ARHGAP25: variants seen among roughly 807,000 people sequenced by gnomAD.
ARHGAP25 encodes rho GTPase-activating protein 25.
A neutral mutation model predicts 71.0 loss-of-function variants in ARHGAP25; 34 were observed. The ratio of observed to expected loss-of-function variants is 0.48; its 90% confidence interval spans 0.36 to 0.64. The LOEUF is 0.64. ARHGAP25 is among the 30% of genes least tolerant of loss of function. The pLI is 0.00. For missense variants in ARHGAP25, 706 were observed against 805.1 expected, an observed-to-expected ratio of 0.88 and a Z score of 1.49; for synonymous variants, 282 against 296.5, an observed-to-expected ratio of 0.95 and a Z score of 0.50.
chr2:68,806,656 A>G (rs1680392424), intron 4 of ARHGAP25, among the ~76,000 whole-genome samples: 1 of 152,254 alleles, frequency 6.6e-6, no homozygotes, highest in African/African-American at 2.4e-5. Flanking sequence ...AGATTTCATC[A>G]TGCTACTCAG....
At chr2:68,771,311 C>T (rs982957293) in intron 1 of ARHGAP25, among the ~76,000 whole-genome samples, 1 of 152,180 alleles carries the variant, frequency 6.6e-6, no homozygotes, top group Non-Finnish European at 1.5e-5. Context: ...CCTCTCCAAC[C>T]CTCCGCCTGG....
At chr2:68,821,495 A>G (rs967661730) in intron 9 of ARHGAP25, among the ~76,000 whole-genome samples, 4 of 152,190 alleles carry the variant, frequency 2.6e-5, no homozygotes, top group African/African-American at 7.2e-5. Flanking sequence ...CATTTTCAGA[A>G]GTGGGCTTGA....
intron 2 of ARHGAP25, among the ~76,000 whole-genome samples, chr2:68,780,692 C>G (rs573848199): frequency 3.3e-5 from 5 of 151,764 alleles, no homozygotes; most frequent in Non-Finnish European, 4.4e-5. Context: ...CTGTTCCTTC[C>G]CCTCCTCCTC....
At chr2:68,793,060 A>G (rs1679301754) in intron 4 of ARHGAP25, among the ~76,000 whole-genome samples, 1 of 151,926 alleles carries the variant, frequency 6.6e-6, no homozygotes, top group Non-Finnish European at 1.5e-5. Context: ...CATGTTTGTC[A>G]TTTGTATGTC....
At chr2:68,814,178 T>C (rs1177772791) in intron 6 of ARHGAP25, among the ~76,000 whole-genome samples, 1 of 152,252 alleles carries the variant, frequency 6.6e-6, no homozygotes, top group Non-Finnish European at 1.5e-5. Context: ...TCTGGCAAAA[T>C]GGTGCACAGA....
chr2:68,746,701 C>CAA (rs1273134826), intron 1 of ARHGAP25, among the ~76,000 whole-genome samples: 1 of 116,044 alleles, frequency 8.6e-6, no homozygotes, highest in Non-Finnish European at 1.9e-5. Context: ...AAGACAGGGA[C>CAA]CACCCCCCTC....
chr2:68,786,430 C>T (rs532916391), intron 3 of ARHGAP25, among the ~76,000 whole-genome samples: 13 of 152,118 alleles, frequency 8.5e-5, no homozygotes, highest in East Asian at 1.9e-4. Flanking sequence ...TGGATACTGA[C>T]GAACTGGTGC....
intron 2 of ARHGAP25, among the ~76,000 whole-genome samples, chr2:68,719,078 G>A (rs1206386486): frequency 6.6e-6 from 1 of 152,116 alleles, no homozygotes; most frequent in African/African-American, 2.4e-5. Flanking sequence ...AGCTCCACAG[G>A]AATAGAAGCT....
Position 68,816,573 on chromosome 2 carries a change from A to G in ARHGAP25, c.881+211A>G, listed in dbSNP as rs1681250565. On this transcript the variant is annotated intron_variant, in intron 7 of 10. Transcript: ENST00000409202. ...AACCAAAAAATGAACGTGCTCCCCCATTTAGGCCTGCCTCAGCACTGCCCA... is the reference window on the plus strand; with the variant it reads ...AACCAAAAAATGAACGTGCTCCCCCGTTTAGGCCTGCCTCAGCACTGCCCA... The G allele has an allele frequency of 9.0e-6, 5 of 552,854 alleles. No homozygotes were observed. In the South Asian group the frequency reaches 1.0e-4, roughly 12 times the overall value. The allele number at this position is 552,854 out of a possible 1,614,324, so 34.2% of individuals were successfully genotyped here.
intron 4 of ARHGAP25, among the ~76,000 whole-genome samples, chr2:68,803,196 A>C (rs145700194): frequency 6.6e-6 from 1 of 152,236 alleles, no homozygotes; most frequent in Admixed American, 6.5e-5. Context: ...GATGGAGCAC[A>C]GTCAAAGACA....
intron 4 of ARHGAP25, among the ~76,000 whole-genome samples, chr2:68,804,422 T>G: frequency 6.6e-6 from 1 of 152,214 alleles, no homozygotes; most frequent in East Asian, 1.9e-4. Context: ...ATCTGGTCTG[T>G]TTTAAGTCGG....
At chr2:68,824,903 G>C (rs184336488) in intron 10 of ARHGAP25, among the ~76,000 whole-genome samples, 23 of 152,308 alleles carry the variant, frequency 1.5e-4, no homozygotes, top group Admixed American at 6.5e-4. Context: ...GGGAGCTCAA[G>C]TCTCCCTTGT....
chr2:68,794,812 CCTT>C (rs1469191149), intron 4 of ARHGAP25, among the ~76,000 whole-genome samples: 4 of 152,062 alleles, frequency 2.6e-5, no homozygotes, highest in African/African-American at 7.2e-5. Flanking sequence ...AGAATTCTCT[CCTT>C]CTCAGTTTTT....
At chr2:68,819,729 C>G (rs142607300) in intron 9 of ARHGAP25, 61 of 507,772 alleles carry the variant, frequency 1.2e-4, no homozygotes, top group African/African-American at 9.5e-4. Flanking sequence ...AAACGTGATT[C>G]CTTTCTCAGA....
At chr2:68,822,133 G>A (rs541166732) in intron 9 of ARHGAP25, among the ~76,000 whole-genome samples, 136 of 152,138 alleles carry the variant, frequency 8.9e-4, no homozygotes, top group African/African-American at 3.1e-3. Flanking sequence ...ATTTTGGTGA[G>A]ACTTCATCTC....
chr2:68,770,246 G>A (rs1192884929), intron 1 of ARHGAP25, among the ~76,000 whole-genome samples: 3 of 152,180 alleles, frequency 2.0e-5, no homozygotes, highest in African/African-American at 7.2e-5. Flanking sequence ...TTCTCATGGA[G>A]GTGTGTTAGG....
At chr2:68,791,932 C>G (rs1386680652) in intron 4 of ARHGAP25, among the ~76,000 whole-genome samples, 1 of 152,154 alleles carries the variant, frequency 6.6e-6, no homozygotes, top group African/African-American at 2.4e-5. Flanking sequence ...TCTTGCCACC[C>G]TTCTCTAAGG....
chr2:68,723,284 C>G (rs7602982), intron 2 of ARHGAP25, among the ~76,000 whole-genome samples: 38,889 of 152,106 alleles, frequency 0.26, 5,411 homozygotes, highest in East Asian at 0.47. Context: ...AGAATGTTTT[C>G]AAGAAAGTGA....
intron 2 of ARHGAP25, among the ~76,000 whole-genome samples, chr2:68,712,274 A>G (rs977102921): frequency 5.3e-5 from 8 of 152,154 alleles, no homozygotes; most frequent in African/African-American, 1.9e-4. Context: ...AGTGATGATG[A>G]GCTTCTTTTC....
Sources: gnomAD v4.1 joint callset for allele counts (sites outside exome capture counted in the v4.1 genomes callset) on GRCh38, gnomAD v4.1.1 for gene constraint, MANE v1.5 for transcripts, NCBI Gene and HGNC (gene_info 2026-07-23, HGNC 2026-07-21) for gene names.